The following ADAM9 variants were observed in gnomAD, a reference collection of about 807,000 sequenced individuals.
ADAM9 encodes the protein ADAM metallopeptidase domain 9.
Under a neutral mutation model 108.1 loss-of-function variants are expected in ADAM9, and 54 were observed. The observed-to-expected ratio is 0.50, with a 90% CI of 0.40 to 0.63. The LOEUF (loss-of-function observed/expected upper bound fraction) is 0.63, where lower values mean the gene tolerates loss of function less well. ADAM9 is among the 20% of genes least tolerant of loss of function. The pLI is 0.00. For missense variants in ADAM9, 830 were observed against 997.7 expected, an observed-to-expected ratio of 0.83 and a Z score of 2.26; for synonymous variants, 316 against 336.0, an observed-to-expected ratio of 0.94 and a Z score of 0.65.
chr8:39,049,521 C>G (rs1279446823), intron 12 of ADAM9, among the ~76,000 whole-genome samples: 3 of 150,714 alleles, frequency 2.0e-5, no homozygotes, highest in Non-Finnish European at 2.9e-5. Context: ...TCACTGTATC[C>G]TCCGCCTCCT....
chr8:39,000,221 T>A (rs1384853772), intron 1 of ADAM9, among the ~76,000 whole-genome samples: 4 of 151,634 alleles, frequency 2.6e-5, no homozygotes, highest in South Asian at 4.1e-4. Flanking sequence ...CTCGACCTCC[T>A]GACCTCGTGA....
chr8:39,051,171 G>C (rs1837946480), intron 12 of ADAM9, among the ~76,000 whole-genome samples: 1 of 152,146 alleles, frequency 6.6e-6, no homozygotes, highest in Non-Finnish European at 1.5e-5. Context: ...AGGCAGATGA[G>C]ATAGAAGGTA....
intron 4 of ADAM9, chr8:39,014,603 A>G: frequency 1.4e-6 from 1 of 701,782 alleles, no homozygotes; most frequent in South Asian, 1.5e-5. Context: ...TTATTACTAG[A>G]GCATAAACAT....
At chr8:39,015,334 CTAT>C in intron 4 of ADAM9, 1 of 152,228 alleles carries the variant, frequency 6.6e-6, no homozygotes, top group South Asian at 2.1e-4. Flanking sequence ...TTATTTGTTG[CTAT>C]TATTGACAGC....
chr8:39,015,207 C>T (rs1836488037), intron 4 of ADAM9: 1 of 152,214 alleles, frequency 6.6e-6, no homozygotes, highest in Non-Finnish European at 1.5e-5. Flanking sequence ...GCCTTGGTAT[C>T]TTCGCTTTAA....
intron 1 of ADAM9, among the ~76,000 whole-genome samples, chr8:39,000,691 TCCTGGGCTCAAGTGTTCCTC>T (rs2129430942): frequency 6.6e-6 from 1 of 152,254 alleles, no homozygotes; most frequent in East Asian, 1.9e-4. Flanking sequence ...GGTCTCGAAC[TCCTGGGCTCAAGTGTTCCTC>T]CTGCATCAGC....
intron 11 of ADAM9, among the ~76,000 whole-genome samples, chr8:39,041,334 A>G (rs1005283549): frequency 6.6e-6 from 1 of 152,236 alleles, no homozygotes; most frequent in Non-Finnish European, 1.5e-5. Flanking sequence ...CAAAGTACTA[A>G]CCACGGTTCC....
intron 11 of ADAM9, among the ~76,000 whole-genome samples, chr8:39,033,690 T>C (rs909539092): frequency 3.3e-5 from 5 of 152,080 alleles, no homozygotes; most frequent in African/African-American, 9.7e-5. Context: ...GAAAGAAATA[T>C]GGTGTCAATG....
At chr8:39,019,787 T>G (rs903692319) in intron 7 of ADAM9, among the ~76,000 whole-genome samples, 2 of 152,178 alleles carry the variant, frequency 1.3e-5, no homozygotes, top group Non-Finnish European at 2.9e-5. Context: ...GTATGTAGGT[T>G]GGAAAATAAC....
chr8:39,049,930 A>T (rs1429125996), intron 12 of ADAM9, among the ~76,000 whole-genome samples: 1 of 152,132 alleles, frequency 6.6e-6, no homozygotes, highest in African/African-American at 2.4e-5. Context: ...ACTCCATTTC[A>T]CATTTCTTAG....
chr8:39,083,496 T>G (rs1839086065), intron 18 of ADAM9, among the ~76,000 whole-genome samples: 1 of 152,244 alleles, frequency 6.6e-6, no homozygotes, highest in African/African-American at 2.4e-5. Context: ...AAGCCTCATT[T>G]CACTATGTTG....
intron 21 of ADAM9, 25 bp from the exon 22 acceptor site, chr8:39,103,579 CTAT>C: frequency 6.3e-7 from 1 of 1,599,688 alleles, no homozygotes; most frequent in Non-Finnish European, 8.6e-7. Context: ...TCTAAACACT[CTAT>C]TAACTATCTC....
At chr8:39,095,339 G>A (rs936494605) in intron 20 of ADAM9, among the ~76,000 whole-genome samples, 2 of 152,060 alleles carry the variant, frequency 1.3e-5, no homozygotes, top group South Asian at 2.1e-4. Context: ...GTTCAAACCC[G>A]TGTTGCTTAA....
chr8:39,012,261 T>C (rs1390294325), intron 3 of ADAM9, among the ~76,000 whole-genome samples: 1 of 152,204 alleles, frequency 6.6e-6, no homozygotes, highest in African/African-American at 2.4e-5. Flanking sequence ...TGAAGGTATC[T>C]TTCCTACTTT....
At chr8:39,056,780 A>G (rs1253734434) in intron 14 of ADAM9, among the ~76,000 whole-genome samples, 2 of 152,202 alleles carry the variant, frequency 1.3e-5, no homozygotes, top group East Asian at 1.9e-4. Context: ...AGTGGCATCA[A>G]GTATTCTATT....
chr8:39,074,853 T>TA (rs1838802964), intron 15 of ADAM9, among the ~76,000 whole-genome samples: 1 of 152,042 alleles, frequency 6.6e-6, no homozygotes, highest in Admixed American at 6.6e-5. Flanking sequence ...TTGCTTAACT[T>TA]ATGTCTCTAT....
intron 21 of ADAM9, 126 bp from the exon 22 acceptor site, chr8:39,103,481 A>G (rs1839763769): frequency 2.2e-6 from 2 of 925,510 alleles, no homozygotes; most frequent in African/African-American, 3.2e-5. Context: ...TACTGATCTC[A>G]GAATGTACAG....
At chr8:39,087,363 G>T (rs1839209639) in intron 18 of ADAM9, among the ~76,000 whole-genome samples, 1 of 152,158 alleles carries the variant, frequency 6.6e-6, no homozygotes, top group Non-Finnish European at 1.5e-5. Flanking sequence ...AGTAAATCTG[G>T]TCCCTGTTAT....
chr8:39,010,949 C>T (rs768224963), intron 2 of ADAM9, among the ~76,000 whole-genome samples: 12 of 151,794 alleles, frequency 7.9e-5, no homozygotes, highest in Non-Finnish European at 1.8e-4. Flanking sequence ...AAAAATTAGC[C>T]GGGTGTGTTG....
Sources: allele counts gnomAD v4.1 joint callset (sites outside exome capture counted in the v4.1 genomes callset), GRCh38; gene constraint gnomAD v4.1.1; transcripts MANE v1.5; gene names NCBI Gene and HGNC (gene_info 2026-07-23, HGNC 2026-07-21).